The following GABRB2 variants were observed in gnomAD, a reference collection of about 807,000 sequenced individuals.
The protein encoded by GABRB2 is gamma-aminobutyric acid receptor subunit beta-2.
Under a neutral mutation model 54.7 loss-of-function variants are expected in GABRB2, and 16 were observed. The ratio of observed to expected loss-of-function variants is 0.29; its 90% CI spans 0.20 to 0.44. The LOEUF is 0.44. Among genes scored for constraint, GABRB2 ranks in the 20% least tolerant of loss-of-function variants. The pLI is 1.00. For missense variants in GABRB2, 355 were observed against 644.0 expected, an observed-to-expected ratio of 0.55 and a Z score of 4.86; for synonymous variants, 244 against 233.8, an observed-to-expected ratio of 1.04 and a Z score of -0.40.
chr5:161,507,593 T>C (rs1220748559), intron 3 of GABRB2, among the ~76,000 whole-genome samples: 1 of 152,000 alleles, frequency 6.6e-6, no homozygotes, highest in Non-Finnish European at 1.5e-5. Flanking sequence ...TGCACACACA[T>C]GCATATATGT....
At chr5:161,529,659 A>G (rs10077266) in intron 3 of GABRB2, among the ~76,000 whole-genome samples, 151,556 of 152,176 alleles carry the variant, frequency 1, 75,474 homozygotes, top group East Asian at 1. Flanking sequence ...ATAAATGGTA[A>G]TAATTTTTAG....
chr5:161,442,352 T>A (rs1229631045), intron 4 of GABRB2, among the ~76,000 whole-genome samples: 3 of 151,990 alleles, frequency 2.0e-5, no homozygotes, highest in African/African-American at 7.3e-5. Flanking sequence ...TGAGCAAAAG[T>A]ATATGCTTTT....
At chr5:161,475,401 T>A (rs1561663669) in intron 3 of GABRB2, among the ~76,000 whole-genome samples, 1 of 151,844 alleles carries the variant, frequency 6.6e-6, no homozygotes, top group Non-Finnish European at 1.5e-5. Flanking sequence ...CAAACATTTA[T>A]AAAATAATTA....
chr5:161,305,260 C>T (rs1224119708), intron 9 of GABRB2, among the ~76,000 whole-genome samples: 1 of 151,936 alleles, frequency 6.6e-6, no homozygotes, highest in South Asian at 2.1e-4. Flanking sequence ...TCATGATCCA[C>T]CCACCTCGGC....
intron 4 of GABRB2, among the ~76,000 whole-genome samples, chr5:161,443,721 C>A (rs940935141): frequency 6.6e-6 from 1 of 152,206 alleles, no homozygotes; most frequent in Admixed American, 6.6e-5. Flanking sequence ...CAGCCCCTGG[C>A]CACCCATGTG....
chr5:161,485,250 A>G (rs1758883635), intron 3 of GABRB2, among the ~76,000 whole-genome samples: 1 of 151,976 alleles, frequency 6.6e-6, no homozygotes, highest in South Asian at 2.1e-4. Flanking sequence ...TTCTCCTGGA[A>G]CAGTGTTTAT....
chr5:161,493,735 A>T (rs1759144288), intron 3 of GABRB2, among the ~76,000 whole-genome samples: 1 of 151,762 alleles, frequency 6.6e-6, no homozygotes, highest in Non-Finnish European at 1.5e-5. Flanking sequence ...TGTTTCCATC[A>T]CATTGTAATG....
intron 4 of GABRB2, among the ~76,000 whole-genome samples, chr5:161,442,593 G>A (rs1757499417): frequency 6.6e-6 from 1 of 152,152 alleles, no homozygotes; most frequent in Non-Finnish European, 1.5e-5. Flanking sequence ...CAATATGCCT[G>A]CTGTAATGCT....
intron 5 of GABRB2, among the ~76,000 whole-genome samples, chr5:161,364,475 T>C (rs1754916681): frequency 6.6e-6 from 1 of 152,162 alleles, no homozygotes; most frequent in Non-Finnish European, 1.5e-5. Context: ...TGATGCTAAA[T>C]TTCAAAATGG....
intron 5 of GABRB2, among the ~76,000 whole-genome samples, chr5:161,352,037 A>G (rs1385656514): frequency 2.0e-5 from 3 of 152,064 alleles, no homozygotes; most frequent in Non-Finnish European, 4.4e-5. Flanking sequence ...GCTATTATCA[A>G]CAAGACAAAA....
At chr5:161,363,398 G>C (rs183190916) in intron 5 of GABRB2, among the ~76,000 whole-genome samples, 2 of 152,134 alleles carry the variant, frequency 1.3e-5, no homozygotes, top group Non-Finnish European at 2.9e-5. Context: ...GGCTGAGGGA[G>C]GGATAGCATT....
chr5:161,493,604 C>G lies in GABRB2; in HGVS notation c.238-33760G>C, dbSNP rs150191219. Among the ~76,000 whole-genome samples the G allele has an allele frequency of 4.0e-4, 60 of 151,820 alleles. No individual in the cohort carries two copies. The East Asian group carries it at 0.011, about 28-fold the overall frequency. On this transcript the variant is annotated intron_variant, in intron 3 of 9. Transcript: ENST00000393959. Reference sequence around the variant, plus strand: ...AATTCCAATGTGTTTTCAGATCAATCTGGAAAAACTGCTGTCTTTATACCA... The same window carrying G: ...AATTCCAATGTGTTTTCAGATCAATGTGGAAAAACTGCTGTCTTTATACCA...
rs1048218022 is a variant in GABRB2 at position 161,327,513 on chromosome 5, A to G, written c.1078-1032T>C. On this transcript the variant is annotated intron_variant, in intron 8 of 9. Transcript: ENST00000393959. ...GCTATTTCACCTTCTTTAGGCACAT[A>G]GGCTTTTACGTCAGTGAAATGACAG... Among the ~76,000 whole-genome samples, 4 of 152,274 alleles carry G rather than the reference A, an allele frequency of 2.6e-5. No individual in the cohort carries two copies. The East Asian group carries it at 7.7e-4, about 29-fold the overall frequency.
chr5:161,429,411 G>A (rs1212488251), intron 4 of GABRB2, among the ~76,000 whole-genome samples: 1 of 146,822 alleles, frequency 6.8e-6, no homozygotes, highest in Non-Finnish European at 1.5e-5. Context: ...GGAAGCTGAG[G>A]CAGCCATTGC....
At chr5:161,332,905 C>T (rs1342436748) in intron 7 of GABRB2, among the ~76,000 whole-genome samples, 6 of 152,068 alleles carry the variant, frequency 3.9e-5, no homozygotes, top group Admixed American at 3.9e-4. Flanking sequence ...CTTGGTCTTG[C>T]TTTAGATACA....
In GABRB2 at chr5:161,382,161, C is replaced by T. The variant is rs542709629; in HGVS notation, c.541+28814G>A. ...CAAAGAAGGAAAGAAGGGGGAAGAACAGGGAGAAGAACCTCTAAGTGGCAG... is the reference window on the plus strand; with the variant it reads ...CAAAGAAGGAAAGAAGGGGGAAGAATAGGGAGAAGAACCTCTAAGTGGCAG... On this transcript the variant is annotated intron_variant, in intron 5 of 9. Transcript: ENST00000393959. Among the ~76,000 whole-genome samples the T allele has an allele frequency of 8.7e-4, 132 of 152,260 alleles. 1 individual carries two copies. The highest frequency in any genetic ancestry group is 3.1e-3 in the African/African-American group (130 of 41,560).
At chr5:161,428,315 G>C (rs1204497068) in intron 4 of GABRB2, among the ~76,000 whole-genome samples, 1 of 151,936 alleles carries the variant, frequency 6.6e-6, no homozygotes, top group Non-Finnish European at 1.5e-5. Flanking sequence ...GTGTGTGTGT[G>C]TGTGTGTGAC....
In GABRB2 at chr5:161,382,708, CTTG is replaced by C. The variant is rs150421029; in HGVS notation, c.541+28264_541+28266del. Among the ~76,000 whole-genome samples the C allele has an allele frequency of 4.6e-3, 699 of 152,278 alleles. 3 individuals carry two copies. The highest frequency in any genetic ancestry group is 0.016 in the African/African-American group (675 of 41,572). On this transcript the variant is annotated intron_variant, in intron 5 of 9. Transcript: ENST00000393959. ...GTTTAGAATATTCTGGCTTATGTGA[CTTG>C]TTATGTGTCTGTCCCTTACACATTA...
In GABRB2 at chr5:161,291,645, C is replaced by A. The variant is rs1467361860; in HGVS notation, c.*2436G>T. ...TTTTATGCTTTTGAGGCTCAAGCTGCAAAGATGCTTCTCTACACTTTGATC... is the reference window on the plus strand; with the variant it reads ...TTTTATGCTTTTGAGGCTCAAGCTGAAAAGATGCTTCTCTACACTTTGATC... On this transcript the variant is annotated 3_prime_UTR_variant, in exon 10 of 10. Transcript: ENST00000393959. 1.3e-5 allele frequency: 2 copies of A among 152,564 alleles called. No individual in the cohort carries two copies. The highest frequency in any genetic ancestry group is 2.9e-5 in the Non-Finnish European group (2 of 68,026). The allele number at this position is 152,564 out of a possible 1,614,324, so 9.5% of individuals were successfully genotyped here.
Sources: allele counts gnomAD v4.1 joint callset (sites outside exome capture counted in the v4.1 genomes callset), GRCh38; gene constraint gnomAD v4.1.1; transcripts MANE v1.5; gene names NCBI Gene and HGNC (gene_info 2026-07-23, HGNC 2026-07-21).